MACROD2: variants seen among roughly 807,000 people sequenced by gnomAD.
MACROD2 encodes the protein mono-ADP ribosylhydrolase 2, also known as ADP-ribose glycohydrolase MACROD2.
A neutral mutation model predicts 70.4 loss-of-function variants in MACROD2; 36 were observed. The observed-to-expected ratio is 0.51, with a 90% CI of 0.39 to 0.68. The LOEUF (loss-of-function observed/expected upper bound fraction) is 0.68. Among genes scored for constraint, MACROD2 ranks in the 30% least tolerant of loss-of-function variants. MACROD2 has a pLI of 0.00. For missense variants in MACROD2, 496 were observed against 538.4 expected (o/e 0.92, Z 0.78); for synonymous variants, 172 against 178.8 (o/e 0.96, Z 0.30).
chr20:15,572,360 A>G (rs1280605615), intron 8 of MACROD2, among the ~76,000 whole-genome samples: 3 of 152,032 alleles, frequency 2.0e-5, no homozygotes, highest in Non-Finnish European at 2.9e-5. Flanking sequence ...TAATTCCTTT[A>G]GTAATATACT....
intron 4 of MACROD2, among the ~76,000 whole-genome samples, chr20:14,498,603 T>C (rs1466303356): frequency 1.3e-5 from 2 of 152,230 alleles, no homozygotes; most frequent in Non-Finnish European, 2.9e-5. Flanking sequence ...TGAGTTAAAA[T>C]GATGCTTTAA....
At chr20:14,602,467 C>T (rs926349463) in intron 4 of MACROD2, among the ~76,000 whole-genome samples, 7 of 152,214 alleles carry the variant, frequency 4.6e-5, no homozygotes, top group African/African-American at 1.7e-4. Context: ...ATTTGGCCGT[C>T]TCCTTGCCTC....
At chr20:14,141,459 A>G (rs1352049496) in intron 3 of MACROD2, among the ~76,000 whole-genome samples, 4 of 152,182 alleles carry the variant, frequency 2.6e-5, no homozygotes, top group Non-Finnish European at 5.9e-5. Context: ...TAAAGATTAA[A>G]GGGCGGCTGG....
intron 5 of MACROD2, among the ~76,000 whole-genome samples, chr20:14,949,423 A>C (rs747799318): frequency 6.6e-6 from 1 of 152,176 alleles, no homozygotes; most frequent in Non-Finnish European, 1.5e-5. Context: ...GCAGGGTTTT[A>C]GTATTAAATT....
At chr20:14,201,427 C>G (rs1451411188) in intron 3 of MACROD2, among the ~76,000 whole-genome samples, 1 of 152,108 alleles carries the variant, frequency 6.6e-6, no homozygotes, top group Non-Finnish European at 1.5e-5. Context: ...AATATTTTGT[C>G]TTTTGCTTTC....
At chr20:15,464,412 G>A (rs969097550) in intron 7 of MACROD2, among the ~76,000 whole-genome samples, 18 of 152,204 alleles carry the variant, frequency 1.2e-4, no homozygotes, top group Non-Finnish European at 2.5e-4. Context: ...AAAGTATCTG[G>A]TAGATGACTT....
intron 5 of MACROD2, among the ~76,000 whole-genome samples, chr20:15,066,022 A>G (rs2075571563): frequency 6.6e-6 from 1 of 151,584 alleles, no homozygotes; most frequent in Admixed American, 6.6e-5. Context: ...CCAGCTTGGG[A>G]GTATTCTATC....
intron 5 of MACROD2, among the ~76,000 whole-genome samples, chr20:14,727,642 T>G (rs1932947): frequency 6.6e-6 from 1 of 152,162 alleles, no homozygotes; most frequent in Non-Finnish European, 1.5e-5. Flanking sequence ...GTTACCTGCC[T>G]GCTATACCAA....
intron 5 of MACROD2, among the ~76,000 whole-genome samples, chr20:15,160,190 A>C (rs373934429): frequency 8.5e-5 from 13 of 152,136 alleles, no homozygotes; most frequent in African/African-American, 2.9e-4. Context: ...GGTGACGATA[A>C]GGAGGCTCTT....
intron 3 of MACROD2, among the ~76,000 whole-genome samples, chr20:14,418,069 CTCTG>C (rs1371679481): frequency 3.3e-5 from 5 of 151,928 alleles, no homozygotes; most frequent in Admixed American, 2.0e-4. Flanking sequence ...AAAATGAAGA[CTCTG>C]TCTCTTAAGA....
intron 4 of MACROD2, among the ~76,000 whole-genome samples, chr20:14,617,871 G>A (rs1202851559): frequency 6.6e-6 from 1 of 152,144 alleles, no homozygotes; most frequent in African/African-American, 2.4e-5. Flanking sequence ...TCATGAAAGA[G>A]GGGAGAGGAA....
At chr20:14,000,878 T>C (rs11696504) in intron 1 of MACROD2, among the ~76,000 whole-genome samples, 3,532 of 152,336 alleles carry the variant, frequency 0.023, 55 homozygotes, top group Non-Finnish European at 0.039. Context: ...TGTTTTACTT[T>C]TGTTTCCGGC....
chr20:14,325,201 T>A (rs1044758167), intron 3 of MACROD2: 1 of 169,214 alleles, frequency 5.9e-6, no homozygotes, highest in Non-Finnish European at 1.3e-5. Flanking sequence ...CAGTCCTGAT[T>A]GTTCGACACA....
rs1234270659 is a variant in MACROD2, at chr20:14,528,321, G to T, written c.301+34813G>T. ...TTTTTTTAGTAGAGACAGGGTTTCT[G>T]TTTTTTTTTTTTTCAGTAGAGATGG... On this transcript the variant is annotated intron_variant, in intron 4 of 17. Coordinates refer to ENST00000684519, the MANE Select transcript of MACROD2 (RefSeq NM_001351661.2). Among the ~76,000 whole-genome samples the T allele has an allele frequency of 5.8e-5, 8 of 137,036 alleles. No individual in the cohort carries two copies. In the East Asian group the frequency reaches 8.7e-4, roughly 15 times the overall value. The allele number at this position is 137,036 out of a possible 152,430, so 89.9% of individuals were successfully genotyped here. A position where few individuals can be genotyped will look rare whatever the true frequency, so the allele number is the denominator to read the frequency against.
intron 13 of MACROD2, among the ~76,000 whole-genome samples, chr20:15,968,445 G>T (rs539315351): frequency 1.3e-5 from 2 of 152,126 alleles, no homozygotes; most frequent in African/African-American, 2.4e-5. Flanking sequence ...CTAACAGAAG[G>T]CCTGAGCAAA....
At chr20:14,472,621 T>C (rs2084543148) in intron 3 of MACROD2, among the ~76,000 whole-genome samples, 1 of 152,170 alleles carries the variant, frequency 6.6e-6, no homozygotes, top group South Asian at 2.1e-4. Context: ...GGGATAAGTG[T>C]TGTACAAAAG....
intron 6 of MACROD2, among the ~76,000 whole-genome samples, chr20:15,322,344 G>A (rs1442218320): frequency 7.0e-6 from 1 of 143,548 alleles, no homozygotes; most frequent in African/African-American, 2.5e-5. Flanking sequence ...TATTTACCAT[G>A]CACTCACTAT....
At chr20:15,573,750 C>T (rs952626197) in intron 8 of MACROD2, among the ~76,000 whole-genome samples, 3 of 152,116 alleles carry the variant, frequency 2.0e-5, no homozygotes, top group African/African-American at 4.8e-5. Context: ...TTTCCTGATA[C>T]TCTCCCCACC....
intron 4 of MACROD2, among the ~76,000 whole-genome samples, chr20:14,588,231 G>A: frequency 6.6e-6 from 1 of 151,808 alleles, no homozygotes; most frequent in Non-Finnish European, 1.5e-5. Context: ...ATCTTCTTGA[G>A]CTACTTTTGA....
Sources: gnomAD v4.1 joint callset for allele counts (sites outside exome capture counted in the v4.1 genomes callset) on GRCh38, gnomAD v4.1.1 for gene constraint, MANE v1.5 for transcripts, NCBI Gene and HGNC (gene_info 2026-07-23, HGNC 2026-07-21) for gene names.